The following KIF21B variants were observed in gnomAD, a reference collection of about 807,000 sequenced individuals.
KIF21B encodes kinesin family member 21B.
A neutral mutation model predicts 192.9 loss-of-function variants in KIF21B; 85 were observed. The ratio of observed to expected loss-of-function variants is 0.44; its 90% CI spans 0.37 to 0.53. KIF21B has a LOEUF of 0.53. Among genes scored for constraint, KIF21B ranks in the 20% least tolerant of loss-of-function variants. The pLI is 0.00. For synonymous variants in KIF21B, 832 were observed against 884.6 expected, an observed-to-expected ratio of 0.94 and a Z score of 1.05; for missense variants, 1,716 against 2,194.8, an observed-to-expected ratio of 0.78 and a Z score of 4.36.
In KIF21B at chr1:200,998,632, CA is replaced by C; in HGVS notation, c.1886-58del. ...TTAGGGCGAGGGGCAAATTGGGGAG[CA>C]GATGTGCCAGTGCTGGGGAGCTGGG... On this transcript the variant is annotated intron_variant, in intron 13 of 34. Transcript: ENST00000461742. This position sits in a 1 kb window ranked among gnomAD's most constrained non-coding sequence, Gnocchi z 4.3. The C allele has an allele frequency of 6.6e-7, 1 of 1,524,986 alleles. No individual in the cohort carries two copies. Among genetic ancestry groups the C allele is most frequent in the Non-Finnish European group, 9.0e-7 (1 of 1,111,426 alleles). The allele number at this position is 1,524,986 out of a possible 1,614,324, so 94.5% of individuals were successfully genotyped here.
chr1:200,988,558 G>T lies in KIF21B; in HGVS notation c.3299-14C>A. 1.3e-6 allele frequency: 2 copies of T among 1,514,224 alleles called. No homozygotes were observed. The highest frequency in any genetic ancestry group is 9.1e-7 in the Non-Finnish European group (1 of 1,104,476). The allele number at this position is 1,514,224 out of a possible 1,614,324, so 93.8% of individuals were successfully genotyped here. A position where few individuals can be genotyped will look rare whatever the true frequency, so the allele number is the denominator to read the frequency against. On this transcript the variant is annotated splice_polypyrimidine_tract_variant and intron_variant, in intron 22 of 34. Coordinates refer to ENST00000461742, the MANE Select transcript of KIF21B (RefSeq NM_001252102.2). ...CGTAGCCATTCTCTGTGGGAGGGCGGGAGGGAGGGAAAGGGGTTGAGAAGC... is the reference window on the plus strand; with the variant it reads ...CGTAGCCATTCTCTGTGGGAGGGCGTGAGGGAGGGAAAGGGGTTGAGAAGC...
intron 15 of KIF21B, among the ~76,000 whole-genome samples, chr1:200,994,105 T>C (rs1656892336): frequency 1.3e-5 from 2 of 152,186 alleles, no homozygotes. Context: ...GGTCAAAGAC[T>C]CATCCACCCG....
At position 201,023,253 on chromosome 1, in the gene KIF21B, C is replaced by T. The variant is rs972603880; in HGVS notation, c.41+90G>A. Reference sequence around the variant, plus strand: ...TCCTCCGGGAGTGCAGGCTCCAGCCCAAGCGGTGCTCGCGCCCCCCGCCCA... The same window carrying T: ...TCCTCCGGGAGTGCAGGCTCCAGCCTAAGCGGTGCTCGCGCCCCCCGCCCA... On this transcript the variant is annotated intron_variant, in intron 1 of 34. Transcript: ENST00000461742. The surrounding 1 kb of genome is among the most constrained non-coding windows in gnomAD (Gnocchi z 5.9). 5.6e-5 allele frequency: 67 copies of T among 1,192,056 alleles called. No homozygotes were observed. Among genetic ancestry groups the T allele is most frequent in the Non-Finnish European group, 6.9e-5 (60 of 875,170 alleles). 73.8% of individuals were successfully genotyped at this position (1,192,056 alleles called of 1,614,324 possible).
In KIF21B at chr1:200,984,898, C is replaced by T; in HGVS notation, c.3764G>A (p.Arg1255His). 5 of 1,606,080 alleles carry T rather than the reference C, an allele frequency of 3.1e-6. No homozygotes were observed. The highest frequency in any genetic ancestry group is 3.4e-6 in the Non-Finnish European group (4 of 1,177,066). ...RPRNDRNVFS[R>H]LTSNQSQGSA... is the part of the protein sequence containing the mutation. ...CCCCTGGCTCTGATTACTGGTGAGACGAGAGAAGACATTGCGGTCATTGCG... is the reference window on the plus strand; with the variant it reads ...CCCCTGGCTCTGATTACTGGTGAGATGAGAGAAGACATTGCGGTCATTGCG... The change falls in exon 27 of 35, where the codon CGT becomes CAT. Residue 1255 changes from arginine to histidine, a missense_variant. Coordinates refer to ENST00000461742, the MANE Select transcript of KIF21B (RefSeq NM_001252102.2).
chr1:200,981,050 G>C lies in KIF21B; in HGVS notation c.3889C>G (p.Pro1297Ala). 6.2e-7 allele frequency: 1 copy of C among 1,609,436 alleles called. No homozygotes were observed. The highest frequency in any genetic ancestry group is 8.5e-7 in the Non-Finnish European group (1 of 1,178,282). Residue 1297 changes from proline to alanine, a missense_variant, in exon 29 of 35, where the codon CCA becomes GCA. By Grantham distance (27) the Pro-to-Ala change is conservative. Transcript: ENST00000461742. Reference protein sequence around the residue: ...VGGAKGARTAPLQCVSMAEGH... With the variant: ...VGGAKGARTAALQCVSMAEGH... ...TCGGCCATGGAGACACACTGCAGTG[G>C]GGCCGTCCGTGCACCCTTGGCTCCT...
At chr1:201,004,489 C>G (rs375185259) in intron 6 of KIF21B, 34 bp from the exon 7 acceptor site, 41 of 1,524,368 alleles carry the variant, frequency 2.7e-5, no homozygotes, top group Non-Finnish European at 3.4e-5. Context: ...TCAGCAGTCA[C>G]TCAGGGAGCG....
rs1655457461 is a variant in KIF21B at position 200,975,126 on chromosome 1, C to T, written c.4615-213G>A. On this transcript the variant is annotated intron_variant, in intron 33 of 34. Coordinates refer to ENST00000461742, the MANE Select transcript of KIF21B (RefSeq NM_001252102.2). The surrounding 1 kb of genome is among the most constrained non-coding windows in gnomAD (Gnocchi z 4.3). ...AGAGATGGGTCCCTCTGCTCTACTT[C>T]CCAGGTTCAAGCCTAAGATCCTGCC... Among the ~76,000 whole-genome samples, 1 of 152,196 alleles carries T rather than the reference C, an allele frequency of 6.6e-6. No individual in the cohort carries two copies. The highest frequency in any genetic ancestry group is 1.5e-5 in the Non-Finnish European group (1 of 68,020).
In KIF21B at chr1:201,017,924, T is replaced by G. The variant is rs966055707; in HGVS notation, c.41+5419A>C. On this transcript the variant is annotated intron_variant, in intron 1 of 34. Coordinates refer to ENST00000461742, the MANE Select transcript of KIF21B (RefSeq NM_001252102.2). The surrounding 1 kb of genome is among the most constrained non-coding windows in gnomAD (Gnocchi z 4.1). ...AGAAACAGGGTACTGCAGCCAACAC[T>G]GCTGCCGCCTGCCCTGGAGCTTCAC... Among the ~76,000 whole-genome samples the G allele has an allele frequency of 3.3e-5, 5 of 152,186 alleles. No homozygotes were observed. Among genetic ancestry groups the G allele is most frequent in the Non-Finnish European group, 7.3e-5 (5 of 68,032 alleles).
At chr1:201,020,830 C>CACACAG (rs1195760453) in intron 1 of KIF21B, among the ~76,000 whole-genome samples, 1 of 151,926 alleles carries the variant, frequency 6.6e-6, no homozygotes, top group African/African-American at 2.4e-5. Context: ...CACACACACA[C>CACACAG]ACACACACAC....
intron 2 of KIF21B, 68 bp downstream of exon 2, chr1:201,009,198 C>G (rs559711574): frequency 1.4e-6 from 2 of 1,444,376 alleles, no homozygotes; most frequent in Non-Finnish European, 1.9e-6. Flanking sequence ...GAAGGTGGAG[C>G]TTTCTCTCCA....
chr1:201,006,185 G>A (rs184077251), intron 3 of KIF21B, among the ~76,000 whole-genome samples: 4 of 152,382 alleles, frequency 2.6e-5, no homozygotes, highest in African/African-American at 2.4e-5. Flanking sequence ...ACACGCCTGT[G>A]TGCCTTGCCC....
chr1:200,984,785 C>A, intron 27 of KIF21B, 74 bp downstream of exon 27: 3 of 1,178,768 alleles, frequency 2.5e-6, no homozygotes, highest in Non-Finnish European at 3.5e-6. Context: ...GAGCCCTCCT[C>A]CAGCAAGGAC....
chr1:200,974,583 G>A lies in KIF21B; in HGVS notation c.4814+131C>T, dbSNP rs187214487. ...GGCACAGGCTAGGTATGCAAAGGAG[G>A]CCACCATGGAATCTGCTCTGTGAAC... On this transcript the variant is annotated intron_variant, in intron 34 of 34. Coordinates refer to ENST00000461742, the MANE Select transcript of KIF21B (RefSeq NM_001252102.2). 8.5e-4 allele frequency: 777 copies of A among 913,480 alleles called. 14 individuals carry two copies. The East Asian group carries it at 0.02, about 23-fold the overall frequency. 56.6% of individuals were successfully genotyped at this position (913,480 alleles called of 1,614,324 possible).
chr1:201,021,305 C>T (rs2102488584), intron 1 of KIF21B, among the ~76,000 whole-genome samples: 1 of 152,320 alleles, frequency 6.6e-6, no homozygotes, highest in Non-Finnish European at 1.5e-5. Context: ...TGAGGTCTGG[C>T]GTGTGCCGGG....
intron 24 of KIF21B, among the ~76,000 whole-genome samples, chr1:200,987,739 C>T (rs1558005475): frequency 6.6e-6 from 1 of 152,224 alleles, no homozygotes; most frequent in Admixed American, 6.5e-5. Context: ...GACTTCTTTG[C>T]TGGTCACCAG....
intron 21 of KIF21B, among the ~76,000 whole-genome samples, chr1:200,989,666 A>G (rs1656547537): frequency 6.6e-6 from 1 of 152,248 alleles, no homozygotes; most frequent in Non-Finnish European, 1.5e-5. Context: ...AGACACCCAG[A>G]GTCAACTTTA....
chr1:201,006,935 GAGACAGACACACACAGACACACACACA>G (rs1657865090), intron 3 of KIF21B, among the ~76,000 whole-genome samples: 1 of 113,906 alleles, frequency 8.8e-6, no homozygotes, highest in African/African-American at 3.4e-5. Context: ...CACACACACA[GAGACAGACACACACAGACACACACACA>G]CAGACACCCA....
intron 24 of KIF21B, 44 bp from the exon 25 acceptor site, chr1:200,987,245 T>C (rs1402444523): frequency 1.9e-6 from 3 of 1,554,374 alleles, no homozygotes; most frequent in Non-Finnish European, 2.6e-6. Context: ...CCAAATTGCA[T>C]GGCACATAAA....
rs781508741 is a variant in KIF21B at position 201,004,873 on chromosome 1, G to A, written c.793C>T (p.Leu265Phe). ...TCCACAAAGTGAAACTTAGCAGTGA[G>A]TGTCTCATACTCACTCGAGGGAGGT... ...GTPPSSEYETLTAKFHFVDLA... is the reference protein window; with the variant it reads ...GTPPSSEYETFTAKFHFVDLA... The change falls in exon 6 of 35, where the codon CTC becomes TTC. Residue 265 changes from leucine to phenylalanine, a missense_variant. This residue lies in a region of KIF21B where 1,087 missense variants were observed against 1,316.6 expected (regional missense o/e 0.83). Coordinates refer to ENST00000461742, the MANE Select transcript of KIF21B (RefSeq NM_001252102.2). The A allele has an allele frequency of 7.4e-6, 12 of 1,614,176 alleles. No homozygotes were observed. The highest frequency in any genetic ancestry group is 5.5e-5 in the South Asian group (5 of 91,088).
Sources: allele counts gnomAD v4.1 joint callset (sites outside exome capture counted in the v4.1 genomes callset), GRCh38; gene constraint gnomAD v4.1.1; regional missense constraint gnomAD v4.1.1; non-coding constraint Gnocchi (gnomAD v3.1); transcripts MANE v1.5; gene names NCBI Gene and HGNC (gene_info 2026-07-23, HGNC 2026-07-21).